ZHX2: variants seen among roughly 807,000 people sequenced by gnomAD.
ZHX2 encodes the protein zinc fingers and homeoboxes protein 2.
Under a neutral mutation model 21.9 loss-of-function variants are expected in ZHX2, and 6 were observed. That is an observed-to-expected ratio of 0.27 (90% CI 0.15 to 0.54). The LOEUF is 0.54. Ranked by LOEUF, ZHX2 falls within the 20% of genes least tolerant of loss-of-function variation. The pLI, the probability that ZHX2 is intolerant of heterozygous loss-of-function variation, is 0.95. For synonymous variants in ZHX2, 434 were observed against 437.1 expected (o/e 0.99, Z 0.09); for missense variants, 908 against 1,090.7 (o/e 0.83, Z 2.36).
chr8:122,803,781 A>G (rs1817765234), intron 1 of ZHX2, among the ~76,000 whole-genome samples: 1 of 151,898 alleles, frequency 6.6e-6, no homozygotes, highest in Non-Finnish European at 1.5e-5. Context: ...CATTATCCTC[A>G]CCTGAGCTTT....
At chr8:122,809,637 A>G (rs534046163) in intron 1 of ZHX2, among the ~76,000 whole-genome samples, 20 of 152,284 alleles carry the variant, frequency 1.3e-4, no homozygotes, top group African/African-American at 4.8e-4. Context: ...CTTTTAGACA[A>G]CAAGCAACCG....
intron 1 of ZHX2, among the ~76,000 whole-genome samples, chr8:122,845,051 A>G (rs1468972149): frequency 1.3e-5 from 2 of 152,198 alleles, no homozygotes; most frequent in African/African-American, 4.8e-5. Flanking sequence ...GCCCAAACAC[A>G]CATAGGGCAG....
At chr8:122,956,029 G>C (rs1054336187) in intron 3 of ZHX2, among the ~76,000 whole-genome samples, 3 of 151,952 alleles carry the variant, frequency 2.0e-5, no homozygotes, top group Admixed American at 6.6e-5. Context: ...ATTTTTAGTA[G>C]AGACGGGGTT....
chr8:122,823,872 G>A lies in ZHX2; in HGVS notation c.-282-39605G>A, dbSNP rs531562837. ...TTCATATTTACCTGTTGACTTTTGC[G>A]TTGTCTGTCTTCCACACAGTAGTGA... On this transcript the variant is annotated intron_variant, in intron 1 of 3. Coordinates refer to ENST00000314393, the MANE Select transcript of ZHX2 (RefSeq NM_014943.5). Among the ~76,000 whole-genome samples the A allele has an allele frequency of 4.6e-5, 7 of 152,216 alleles. No homozygotes were observed. The East Asian group carries it at 5.8e-4, about 13-fold the overall frequency.
intron 1 of ZHX2, among the ~76,000 whole-genome samples, chr8:122,858,453 T>C (rs1029007511): frequency 6.6e-6 from 1 of 152,108 alleles, no homozygotes; most frequent in African/African-American, 2.4e-5. Context: ...AAAGGGAATA[T>C]GCGGGGACTC....
intron 1 of ZHX2, among the ~76,000 whole-genome samples, chr8:122,808,259 C>T (rs1405652044): frequency 1.3e-5 from 2 of 152,098 alleles, no homozygotes; most frequent in Non-Finnish European, 2.9e-5. Flanking sequence ...GTGTCTTAGC[C>T]CATTCTCATG....
At chr8:122,918,577 C>A (rs753649051) in intron 2 of ZHX2, among the ~76,000 whole-genome samples, 12 of 152,186 alleles carry the variant, frequency 7.9e-5, no homozygotes, top group Non-Finnish European at 1.6e-4. Context: ...GCTGTGCAGG[C>A]CAGGTCTTTG....
chr8:122,850,984 C>A (rs547940201), intron 1 of ZHX2, among the ~76,000 whole-genome samples: 2 of 152,114 alleles, frequency 1.3e-5, no homozygotes, highest in Non-Finnish European at 2.9e-5. Flanking sequence ...TTGGCATTTG[C>A]GCTGGCTGTG....
At chr8:122,867,835 G>A (rs1819335923) in intron 2 of ZHX2, among the ~76,000 whole-genome samples, 1 of 152,214 alleles carries the variant, frequency 6.6e-6, no homozygotes, top group Non-Finnish European at 1.5e-5. Context: ...CACACTGAAA[G>A]CATAGCTTTT....
chr8:122,880,347 G>A (rs1385647176), intron 2 of ZHX2, among the ~76,000 whole-genome samples: 1 of 152,054 alleles, frequency 6.6e-6, no homozygotes, highest in Non-Finnish European at 1.5e-5. Flanking sequence ...ACCATGGTGG[G>A]GCTGGGACTC....
At chr8:122,973,050 A>C (rs1813764947) in intron 3 of ZHX2, among the ~76,000 whole-genome samples, 192 bp from the exon 4 acceptor site, 1 of 152,144 alleles carries the variant, frequency 6.6e-6, no homozygotes, top group Non-Finnish European at 1.5e-5. Flanking sequence ...TGTGCTCAGA[A>C]AACACACTCG....
chr8:122,830,059 G>T (rs1818340630), intron 1 of ZHX2, among the ~76,000 whole-genome samples: 1 of 152,204 alleles, frequency 6.6e-6, no homozygotes. Flanking sequence ...TACTTGTAAG[G>T]TTCTTGTATC....
intron 2 of ZHX2, among the ~76,000 whole-genome samples, chr8:122,906,433 T>C (rs1209538173): frequency 6.6e-6 from 1 of 152,192 alleles, no homozygotes; most frequent in Non-Finnish European, 1.5e-5. Flanking sequence ...CAACTCTGTA[T>C]GTGTTGATGG....
At chr8:122,784,978 G>C (rs1586569557) in intron 1 of ZHX2, among the ~76,000 whole-genome samples, 1 of 152,244 alleles carries the variant, frequency 6.6e-6, no homozygotes, top group South Asian at 2.1e-4. Flanking sequence ...AGACATTATG[G>C]AGATGCTGGT....
In ZHX2 at chr8:122,974,029, G is replaced by A. The variant is rs1359905765; in HGVS notation, c.*792G>A. Reference sequence around the variant, plus strand: ...GGTAGCAGGTGGCTGACTTCTTTAAGCACCTTTCTAAATACCAGCAGAAGA... The same window carrying A: ...GGTAGCAGGTGGCTGACTTCTTTAAACACCTTTCTAAATACCAGCAGAAGA... On this transcript the variant is annotated 3_prime_UTR_variant, in exon 4 of 4. Transcript: ENST00000314393. 6.5e-6 allele frequency: 1 copy of A among 152,674 alleles called. No homozygotes were observed. The highest frequency in any genetic ancestry group is 2.4e-5 in the African/African-American group (1 of 41,452). 9.5% of individuals were successfully genotyped at this position (152,674 alleles called of 1,614,324 possible). A position where few individuals can be genotyped will look rare whatever the true frequency, so the allele number is the denominator to read the frequency against.
intron 2 of ZHX2, among the ~76,000 whole-genome samples, chr8:122,931,286 G>T (rs557132014): frequency 6.6e-6 from 1 of 152,302 alleles, no homozygotes; most frequent in East Asian, 1.9e-4. Flanking sequence ...TGCTGCCTGC[G>T]TGAGAAGGGC....
intron 2 of ZHX2, among the ~76,000 whole-genome samples, chr8:122,937,636 G>A (rs1320665250): frequency 6.6e-6 from 1 of 150,566 alleles, no homozygotes; most frequent in Non-Finnish European, 1.5e-5. Context: ...CTGGAGTGCT[G>A]TGGCGCTGTC....
intron 2 of ZHX2, among the ~76,000 whole-genome samples, chr8:122,893,111 G>A (rs563758748): frequency 6.6e-6 from 1 of 152,034 alleles, no homozygotes; most frequent in African/African-American, 2.4e-5. Context: ...TTGAGTAGTT[G>A]GTTTTTGTTT....
rs532617076 is a variant in ZHX2, at chr8:122,925,568, A to G, written c.-219-25724A>G. Reference sequence around the variant, plus strand: ...AATCTGACAGAGGGAATCCAGACACACTCTTGTAGGAGGAGGGATATAAGC... The same window carrying G: ...AATCTGACAGAGGGAATCCAGACACGCTCTTGTAGGAGGAGGGATATAAGC... On this transcript the variant is annotated intron_variant, in intron 2 of 3. Transcript: ENST00000314393. Among the ~76,000 whole-genome samples the G allele has an allele frequency of 5.3e-5, 8 of 152,238 alleles. No homozygotes were observed. In the East Asian group the frequency reaches 1.2e-3, roughly 22 times the overall value.
Sources: allele counts gnomAD v4.1 joint callset (sites outside exome capture counted in the v4.1 genomes callset), GRCh38; gene constraint gnomAD v4.1.1; transcripts MANE v1.5; gene names NCBI Gene and HGNC (gene_info 2026-07-23, HGNC 2026-07-21).